The following TCF12 variants were observed in gnomAD, a reference collection of about 807,000 sequenced individuals.
The protein encoded by TCF12 is DNA-binding protein HTF4.
A neutral mutation model predicts 86.0 loss-of-function variants in TCF12; 45 were observed. The ratio of observed to expected loss-of-function variants is 0.52; its 90% CI spans 0.41 to 0.67. The LOEUF (loss-of-function observed/expected upper bound fraction) is 0.67. TCF12 is among the 30% of genes least tolerant of loss of function. TCF12 has a pLI of 0.00. For synonymous variants in TCF12, 330 were observed against 299.6 expected (o/e 1.10, Z -1.05); for missense variants, 881 against 859.9 (o/e 1.02, Z -0.31).
At chr15:57,252,626 A>T (rs1405224441) in intron 15 of TCF12, 134 bp downstream of exon 15, 3 of 695,630 alleles carry the variant, frequency 4.3e-6, no homozygotes, top group African/African-American at 1.8e-5. Flanking sequence ...TTTTTATCAC[A>T]GTATATAGGA....
chr15:57,220,775 T>A (rs1195244007), intron 8 of TCF12, among the ~76,000 whole-genome samples: 2 of 152,092 alleles, frequency 1.3e-5, no homozygotes, highest in Non-Finnish European at 1.5e-5. Context: ...TATTAAAAGG[T>A]ACACTAATGA....
At chr15:57,151,437 C>T (rs2053751766) in intron 5 of TCF12, among the ~76,000 whole-genome samples, 1 of 151,940 alleles carries the variant, frequency 6.6e-6, no homozygotes, top group African/African-American at 2.4e-5. Context: ...ATCAGAGGAC[C>T]TCCAGCTTCT....
chr15:57,116,347 T>TTTTTA lies in TCF12; in HGVS notation c.325+24476_325+24480dup, dbSNP rs1258393970. ...TCTATTATTTTTTACTGTGGTATAT[T>TTTTTA]TTTTATTTTATTTTATTTTATTTTT... is the stretch of plus-strand genomic sequence containing the variant. On this transcript the variant is annotated intron_variant, in intron 5 of 20. Coordinates refer to ENST00000333725, the MANE Select transcript of TCF12 (RefSeq NM_207037.2). Among the ~76,000 whole-genome samples the TTTTTA allele has an allele frequency of 1.4e-4, 21 of 152,202 alleles. No individual in the cohort carries two copies. The East Asian group carries it at 1.7e-3, about 13-fold the overall frequency.
At chr15:57,272,546 A>T (rs551930300) in intron 18 of TCF12, among the ~76,000 whole-genome samples, 1 of 152,226 alleles carries the variant, frequency 6.6e-6, no homozygotes, top group Non-Finnish European at 1.5e-5. Context: ...ACATTCATGT[A>T]CTAGGGGGGC....
chr15:56,951,735 G>T (rs1165123220), intron 3 of TCF12, among the ~76,000 whole-genome samples: 2 of 152,020 alleles, frequency 1.3e-5, no homozygotes, highest in Non-Finnish European at 1.5e-5. Context: ...CTGCAGCCTC[G>T]ACCATCCAGG....
intron 3 of TCF12, among the ~76,000 whole-genome samples, chr15:56,962,389 T>C (rs1038050223): frequency 6.6e-6 from 1 of 152,364 alleles, no homozygotes; most frequent in South Asian, 2.1e-4. Flanking sequence ...AAAAGTCTAC[T>C]ATAACTTTTT....
chr15:57,119,314 G>T (rs1437875894), intron 5 of TCF12, among the ~76,000 whole-genome samples: 1 of 150,948 alleles, frequency 6.6e-6, no homozygotes, highest in Non-Finnish European at 1.5e-5. Context: ...TTGGCAGCAG[G>T]TCGGTGGGTG....
intron 18 of TCF12, among the ~76,000 whole-genome samples, chr15:57,263,827 A>G (rs538416452): frequency 2.0e-5 from 3 of 152,300 alleles, no homozygotes; most frequent in Non-Finnish European, 4.4e-5. Flanking sequence ...TTGTGTATCT[A>G]AACACCTAAA....
chr15:56,979,081 C>T (rs951018743), intron 3 of TCF12, among the ~76,000 whole-genome samples: 9 of 151,992 alleles, frequency 5.9e-5, no homozygotes, highest in South Asian at 2.1e-4. Flanking sequence ...TTTGGATGGC[C>T]GACATTTTGC....
At position 56,988,177 on chromosome 15, in the gene TCF12, A is replaced by G. The variant is rs577068937; in HGVS notation, c.148+67079A>G. On this transcript the variant is annotated intron_variant, in intron 3 of 20. Transcript: ENST00000333725. The stretch of plus-strand genomic sequence containing the variant: ...AACATTTTATTTTCTGTCAGTAAAA[A>G]TATAGTCATGTGTCACTTGACAGGG... Among the ~76,000 whole-genome samples, 4 of 152,336 alleles carry G rather than the reference A, an allele frequency of 2.6e-5. No individual in the cohort carries two copies. In the East Asian group the frequency reaches 7.7e-4, roughly 29 times the overall value.
intron 3 of TCF12, among the ~76,000 whole-genome samples, chr15:56,925,827 G>T (rs2059986199): frequency 6.6e-6 from 1 of 152,086 alleles, no homozygotes; most frequent in Admixed American, 6.6e-5. Flanking sequence ...TAAATTGTTT[G>T]TGTTTAGGGA....
At chr15:57,064,812 A>AGAG (rs1555495497) in intron 4 of TCF12, among the ~76,000 whole-genome samples, 1 of 123,420 alleles carries the variant, frequency 8.1e-6, no homozygotes, top group Non-Finnish European at 1.6e-5. Context: ...AAAAAAAAAA[A>AGAG]AGAGAGAGAG....
At chr15:57,250,689 A>G (rs1185078897) in intron 13 of TCF12, among the ~76,000 whole-genome samples, 1 of 151,938 alleles carries the variant, frequency 6.6e-6, no homozygotes, top group Non-Finnish European at 1.5e-5. Context: ...AGATTGTACC[A>G]GTGCACTCCA....
At chr15:56,918,363 G>A, upstream of TCF12, 1 of 410,330 alleles carries the variant, frequency 2.4e-6, no homozygotes, top group Non-Finnish European at 5.0e-6. Flanking sequence ...CACGGTACCT[G>A]CCACCCCGCT....
At chr15:57,274,308 A>G (rs1242873356) in intron 19 of TCF12, among the ~76,000 whole-genome samples, 1 of 152,262 alleles carries the variant, frequency 6.6e-6, no homozygotes, top group Non-Finnish European at 1.5e-5. Flanking sequence ...TATATACAGT[A>G]GTAGTTAATT....
At chr15:56,945,610 A>G (rs1455801753) in intron 3 of TCF12, among the ~76,000 whole-genome samples, 2 of 152,126 alleles carry the variant, frequency 1.3e-5, no homozygotes, top group South Asian at 2.1e-4. Context: ...CAAGTCTGCA[A>G]TAATGATCTT....
intron 3 of TCF12, among the ~76,000 whole-genome samples, chr15:56,997,427 C>T (rs2063773435): frequency 6.6e-6 from 1 of 152,098 alleles, no homozygotes; most frequent in African/African-American, 2.4e-5. Context: ...ATTGGGTACA[C>T]ATGGTCATAA....
chr15:57,073,020 A>G (rs1567364170), intron 4 of TCF12, among the ~76,000 whole-genome samples: 1 of 152,220 alleles, frequency 6.6e-6, no homozygotes, highest in Admixed American at 6.5e-5. Flanking sequence ...CATACTGATC[A>G]GATTGCCCAT....
intron 3 of TCF12, among the ~76,000 whole-genome samples, chr15:56,980,092 C>A (rs2062817026): frequency 6.6e-6 from 1 of 152,106 alleles, no homozygotes; most frequent in African/African-American, 2.4e-5. Flanking sequence ...AGCACGGTGG[C>A]TCATGCTTGT....
Sources: gnomAD v4.1 joint callset for allele counts (sites outside exome capture counted in the v4.1 genomes callset) on GRCh38, gnomAD v4.1.1 for gene constraint, MANE v1.5 for transcripts, NCBI Gene and HGNC (gene_info 2026-07-23, HGNC 2026-07-21) for gene names.